CLRN1: variants seen among roughly 807,000 people sequenced by gnomAD.
CLRN1 encodes the protein clarin-1.
Under a neutral mutation model 18.7 loss-of-function variants are expected in CLRN1, and 15 were observed. The ratio of observed to expected loss-of-function variants is 0.80; its 90% confidence interval spans 0.54 to 1.23. The LOEUF (loss-of-function observed/expected upper bound fraction) is 1.23. Ranked by LOEUF, CLRN1 falls within the 50% of genes most tolerant of loss-of-function variation. CLRN1 has a pLI of 0.00. For missense variants in CLRN1, 311 were observed against 277.5 expected (o/e 1.12, Z -0.86); for synonymous variants, 104 against 102.9 (o/e 1.01, Z -0.07).
At chr3:150,932,057 T>A (rs921425009) in intron 2 of CLRN1, among the ~76,000 whole-genome samples, 1 of 152,130 alleles carries the variant, frequency 6.6e-6, no homozygotes, top group Non-Finnish European at 1.5e-5. Flanking sequence ...GTTTTTTTTT[T>A]CTTCCTTTTA....
chr3:150,961,618 G>A (rs533019394), intron 1 of CLRN1, among the ~76,000 whole-genome samples: 15 of 152,188 alleles, frequency 9.9e-5, no homozygotes, highest in South Asian at 4.1e-4. Flanking sequence ...CCTGTTTTTC[G>A]TCTCAACCTG....
intron 1 of CLRN1, among the ~76,000 whole-genome samples, chr3:150,961,440 TCTAATAGTTTTGGTTTCATCAAC>T (rs1715031473): frequency 6.6e-6 from 1 of 152,154 alleles, no homozygotes; most frequent in Admixed American, 6.5e-5. Context: ...GGACCACTGA[TCTAATAGTTTTGGTTTCATCAAC>T]CTTTTTGCCT....
intron 2 of CLRN1, among the ~76,000 whole-genome samples, chr3:150,929,571 AG>A (rs2107930337): frequency 6.6e-6 from 1 of 152,360 alleles, no homozygotes; most frequent in South Asian, 2.1e-4. Flanking sequence ...CATCTATAAA[AG>A]GTGGCTAATA....
At chr3:150,933,063 T>C (rs1202625464) in intron 2 of CLRN1, among the ~76,000 whole-genome samples, 5 of 152,234 alleles carry the variant, frequency 3.3e-5, no homozygotes, top group Non-Finnish European at 7.3e-5. Context: ...TTTATCTAAT[T>C]TGAATTTATT....
intron 1 of CLRN1, among the ~76,000 whole-genome samples, chr3:150,951,777 C>G (rs1018766595): frequency 1.3e-5 from 2 of 152,152 alleles, no homozygotes; most frequent in African/African-American, 4.8e-5. Flanking sequence ...CAACACTTCA[C>G]ATGGCCAGAG....
intron 2 of CLRN1, 72 bp downstream of exon 2, chr3:150,941,510 A>G (rs1713837754): frequency 6.9e-7 from 1 of 1,443,520 alleles, no homozygotes; most frequent in Admixed American, 1.8e-5. Flanking sequence ...TTATAACTTT[A>G]TATTTAGGTA....
intron 1 of CLRN1, among the ~76,000 whole-genome samples, chr3:150,971,417 TG>T (rs1307812417): frequency 2.0e-5 from 3 of 152,172 alleles, no homozygotes; most frequent in Non-Finnish European, 4.4e-5. Context: ...ATATAAGGAA[TG>T]TTGCAGAAAT....
At chr3:150,962,782 A>G (rs1463955069) in intron 1 of CLRN1, among the ~76,000 whole-genome samples, 1 of 152,238 alleles carries the variant, frequency 6.6e-6, no homozygotes, top group East Asian at 1.9e-4. Context: ...TTAAGGTAAT[A>G]TAATTACATA....
chr3:150,966,176 T>C (rs1395112783), intron 1 of CLRN1, among the ~76,000 whole-genome samples: 1 of 152,166 alleles, frequency 6.6e-6, no homozygotes, highest in African/African-American at 2.4e-5. Flanking sequence ...TAGCCAGGTG[T>C]AGTGGCACAT....
At chr3:150,962,306 G>A (rs1715073886) in intron 1 of CLRN1, among the ~76,000 whole-genome samples, 1 of 152,190 alleles carries the variant, frequency 6.6e-6, no homozygotes, top group South Asian at 2.1e-4. Flanking sequence ...TAATAAGAGT[G>A]TATCTCGCCA....
At chr3:150,952,613 T>G (rs985650571) in intron 1 of CLRN1, among the ~76,000 whole-genome samples, 3 of 152,186 alleles carry the variant, frequency 2.0e-5, no homozygotes, top group African/African-American at 7.2e-5. Context: ...GCTATTGACT[T>G]GGTTTTTACT....
chr3:150,970,452 T>G (rs929557998), intron 1 of CLRN1, among the ~76,000 whole-genome samples: 1 of 152,006 alleles, frequency 6.6e-6, no homozygotes, highest in African/African-American at 2.4e-5. Context: ...GTCCATTGGA[T>G]CTATTTATTT....
intron 1 of CLRN1, among the ~76,000 whole-genome samples, chr3:150,967,497 A>T (rs1182488474): frequency 2.6e-5 from 4 of 152,152 alleles, no homozygotes; most frequent in Non-Finnish European, 2.9e-5. Context: ...AGAAGAGCCC[A>T]TGCTTGCTGG....
chr3:150,946,431 T>A (rs34548393), intron 1 of CLRN1, among the ~76,000 whole-genome samples: 25,758 of 152,094 alleles, frequency 0.17, 2,845 homozygotes, highest in Non-Finnish European at 0.25. Flanking sequence ...AGACTATTTG[T>A]ACAAAAGTGG....
chr3:150,926,648 G>T lies in CLRN1; in HGVS notation c.*1288C>A, dbSNP rs781589419. ...AGAGCAAGTTATTTCTCAGGTATACGGTTGTTTCATCCTTGTAAATAGTTC... is the reference window on the plus strand; with the variant it reads ...AGAGCAAGTTATTTCTCAGGTATACTGTTGTTTCATCCTTGTAAATAGTTC... On this transcript the variant is annotated 3_prime_UTR_variant, in exon 3 of 3. Coordinates refer to ENST00000327047, the MANE Select transcript of CLRN1 (RefSeq NM_174878.3). The T allele has an allele frequency of 6.0e-6, 5 of 833,712 alleles. No individual in the cohort carries two copies. The highest frequency in any genetic ancestry group is 1.0e-5 in the Non-Finnish European group (5 of 500,112). The allele number at this position is 833,712 out of a possible 1,614,324, so 51.6% of individuals were successfully genotyped here. A position where few individuals can be genotyped will look rare whatever the true frequency, so the allele number is the denominator to read the frequency against.
chr3:150,935,526 T>C (rs1225179728), intron 2 of CLRN1, among the ~76,000 whole-genome samples: 1 of 151,584 alleles, frequency 6.6e-6, no homozygotes, highest in Non-Finnish European at 1.5e-5. Flanking sequence ...TGCCACATTT[T>C]CTTAATCCAG....
intron 1 of CLRN1, among the ~76,000 whole-genome samples, chr3:150,957,616 C>A (rs1353486068): frequency 1.3e-5 from 2 of 152,140 alleles, no homozygotes; most frequent in African/African-American, 4.8e-5. Context: ...CCTCTCTACC[C>A]ATTCATATTA....
intron 1 of CLRN1, among the ~76,000 whole-genome samples, chr3:150,964,133 C>A (rs1238005442): frequency 1.3e-5 from 2 of 152,082 alleles, no homozygotes; most frequent in Non-Finnish European, 2.9e-5. Flanking sequence ...GGGCAACCTG[C>A]AGAATGGAAG....
At chr3:150,951,552 G>A (rs1229338824) in intron 1 of CLRN1, among the ~76,000 whole-genome samples, 1 of 152,102 alleles carries the variant, frequency 6.6e-6, no homozygotes, top group Non-Finnish European at 1.5e-5. Flanking sequence ...TGGCCAGGCT[G>A]GTCTCGAACT....
Sources: gnomAD v4.1 joint callset for allele counts (sites outside exome capture counted in the v4.1 genomes callset) on GRCh38, gnomAD v4.1.1 for gene constraint, MANE v1.5 for transcripts, NCBI Gene and HGNC (gene_info 2026-07-23, HGNC 2026-07-21) for gene names.